Variants in GIGYF2 observed in about 807,000 individuals in gnomAD.
GIGYF2 encodes GRB10-interacting GYF protein 2.
A neutral mutation model predicts 208.1 loss-of-function variants in GIGYF2; 25 were observed. The observed-to-expected ratio is 0.12, with a 90% CI of 0.09 to 0.17. The LOEUF is 0.17. Among genes scored for constraint, GIGYF2 ranks in the 10% least tolerant of loss-of-function variants. The pLI is 1.00. For missense variants in GIGYF2, 1,302 were observed against 1,579.4 expected (o/e 0.82, Z 2.98); for synonymous variants, 534 against 543.8 (o/e 0.98, Z 0.25).
chr2:232,818,383 T>G (rs558619847), intron 20 of GIGYF2, among the ~76,000 whole-genome samples: 1 of 152,162 alleles, frequency 6.6e-6, no homozygotes, highest in Non-Finnish European at 1.5e-5. Context: ...CCCTAGAAAG[T>G]AGGTTTTCAT....
intron 18 of GIGYF2, among the ~76,000 whole-genome samples, chr2:232,813,488 T>G (rs1200600504): frequency 6.6e-6 from 1 of 152,192 alleles, no homozygotes; most frequent in Non-Finnish European, 1.5e-5. Context: ...ATTACAGGTG[T>G]GAGCCACTGC....
intron 2 of GIGYF2, among the ~76,000 whole-genome samples, chr2:232,723,353 A>G (rs1697028922): frequency 6.6e-6 from 1 of 152,100 alleles, no homozygotes; most frequent in Non-Finnish European, 1.5e-5. Flanking sequence ...TCCATTGGGA[A>G]TATATCTAAA....
chr2:232,749,137 T>C, intron 5 of GIGYF2, 55 bp downstream of exon 5: 2 of 871,796 alleles, frequency 2.3e-6, no homozygotes, highest in East Asian at 2.4e-5. Context: ...TGCTAAGGCA[T>C]GAAAATAGGA....
intron 2 of GIGYF2, among the ~76,000 whole-genome samples, chr2:232,716,246 A>C (rs1696670543): frequency 6.6e-6 from 1 of 152,048 alleles, no homozygotes; most frequent in African/African-American, 2.4e-5. Context: ...CATTTGAAAA[A>C]AAGCATTTGA....
intron 8 of GIGYF2, among the ~76,000 whole-genome samples, chr2:232,769,659 C>T (rs771890311): frequency 3.9e-5 from 6 of 151,998 alleles, no homozygotes; most frequent in Non-Finnish European, 8.8e-5. Context: ...CTTCCTTGTG[C>T]CCTAAGCTAT....
intron 20 of GIGYF2, among the ~76,000 whole-genome samples, chr2:232,818,161 A>C (rs1277246614): frequency 6.6e-6 from 1 of 152,188 alleles, no homozygotes; most frequent in East Asian, 1.9e-4. Context: ...ATCTTTTCAC[A>C]TGCTTATTGA....
chr2:232,726,943 C>A (rs1479780368), intron 2 of GIGYF2, among the ~76,000 whole-genome samples: 1 of 152,100 alleles, frequency 6.6e-6, no homozygotes, highest in African/African-American at 2.4e-5. Context: ...AAAGGTCATC[C>A]ATTTCTGTGG....
intron 2 of GIGYF2, among the ~76,000 whole-genome samples, chr2:232,721,216 T>A (rs570986438): frequency 8.5e-5 from 13 of 152,344 alleles, no homozygotes; most frequent in Non-Finnish European, 1.8e-4. Context: ...CCAATTCCAC[T>A]ATGCCATGCA....
rs181797861 is a variant in GIGYF2 at position 232,809,481 on chromosome 2, A to G, written c.1807-239A>G. Among the ~76,000 whole-genome samples the G allele has an allele frequency of 5.9e-5, 9 of 152,350 alleles. No homozygotes were observed. In the East Asian group the frequency reaches 1.3e-3, roughly 23 times the overall value. On this transcript the variant is annotated intron_variant, in intron 15 of 28. Transcript: ENST00000373563. ...GCAGGAATGGAGAATGGCAGCTGAA[A>G]TAAGGACCCTTTCTCACCTTAGGGA...
At chr2:232,848,873 A>G (rs1325800427) in intron 27 of GIGYF2, among the ~76,000 whole-genome samples, 1 of 152,230 alleles carries the variant, frequency 6.6e-6, no homozygotes, top group Non-Finnish European at 1.5e-5. Flanking sequence ...TTTTGGGGTT[A>G]CAAATACATT....
chr2:232,790,947 C>T, intron 10 of GIGYF2, 32 bp downstream of exon 10: 1 of 1,610,982 alleles, frequency 6.2e-7, no homozygotes, highest in Non-Finnish European at 8.5e-7. Flanking sequence ...TCATGACCAG[C>T]ATTAACCTTA....
At chr2:232,826,934 CAAA>C (rs1415808578) in intron 21 of GIGYF2, among the ~76,000 whole-genome samples, 2 of 152,156 alleles carry the variant, frequency 1.3e-5, no homozygotes, top group African/African-American at 4.8e-5. Context: ...CCAAGACCAT[CAAA>C]AAAGAATACA....
chr2:232,811,119 T>A (rs1396089566), intron 16 of GIGYF2, 125 bp from the exon 17 acceptor site: 1 of 664,476 alleles, frequency 1.5e-6, no homozygotes, highest in African/African-American at 1.8e-5. Context: ...TTATAAAATA[T>A]ATTTGATAGC....
chr2:232,848,750 G>A (rs1702100542), intron 27 of GIGYF2, among the ~76,000 whole-genome samples: 1 of 152,194 alleles, frequency 6.6e-6, no homozygotes, highest in African/African-American at 2.4e-5. Flanking sequence ...GTAACAAGAA[G>A]GCATTGTTTC....
chr2:232,771,614 T>C (rs1489321927), intron 8 of GIGYF2, among the ~76,000 whole-genome samples: 2 of 152,230 alleles, frequency 1.3e-5, no homozygotes, highest in African/African-American at 2.4e-5. Context: ...AGTTAAAACA[T>C]TGTTTAACAC....
intron 8 of GIGYF2, among the ~76,000 whole-genome samples, chr2:232,777,697 A>G (rs1464144943): frequency 1.3e-5 from 2 of 149,860 alleles, no homozygotes; most frequent in African/African-American, 4.9e-5. Flanking sequence ...AAGTTCAGAC[A>G]CAGCATTAGA....
chr2:232,711,729 T>TATATA (rs1696420892), intron 2 of GIGYF2, among the ~76,000 whole-genome samples: 1 of 75,078 alleles, frequency 1.3e-5, no homozygotes. Flanking sequence ...ATATATATAG[T>TATATA]TGTAATAGAA....
intron 2 of GIGYF2, among the ~76,000 whole-genome samples, chr2:232,732,511 G>T (rs1253786735): frequency 1.3e-5 from 2 of 152,026 alleles, no homozygotes; most frequent in African/African-American, 4.8e-5. Context: ...CCCTTGTTCA[G>T]ACAGCTGTAA....
At chr2:232,836,288 A>ACT (rs1701600399) in intron 22 of GIGYF2, among the ~76,000 whole-genome samples, 6 of 5,764 alleles carry the variant, frequency 1.0e-3, no homozygotes, top group African/African-American at 2.4e-3. Flanking sequence ...ATATATATAT[A>ACT]TATATATATA....
Sources: allele counts gnomAD v4.1 joint callset (sites outside exome capture counted in the v4.1 genomes callset), GRCh38; gene constraint gnomAD v4.1.1; transcripts MANE v1.5; gene names NCBI Gene and HGNC (gene_info 2026-07-23, HGNC 2026-07-21).